Variants in KLHL32 observed in about 807,000 individuals in gnomAD.
The protein encoded by KLHL32 is kelch-like protein 32.
A neutral mutation model predicts 64.8 loss-of-function variants in KLHL32; 35 were observed. The observed-to-expected ratio is 0.54, with a 90% confidence interval of 0.41 to 0.72. KLHL32 has a LOEUF of 0.72. Ranked by LOEUF, KLHL32 falls within the 30% of genes least tolerant of loss-of-function variation. The probability of loss-of-function intolerance (pLI) is 0.00; values close to 1 mark genes in which losing one functional copy is unlikely to be tolerated. For missense variants in KLHL32, 589 were observed against 768.5 expected (o/e 0.77, Z 2.76); for synonymous variants, 259 against 281.0 (o/e 0.92, Z 0.78).
At chr6:97,031,455 C>T (rs571865398) in intron 3 of KLHL32, among the ~76,000 whole-genome samples, 6 of 151,962 alleles carry the variant, frequency 3.9e-5, no homozygotes, top group African/African-American at 1.2e-4. Context: ...CCTGCCTCAC[C>T]GTCTTGAGTA....
chr6:97,095,104 T>A (rs955937682), intron 6 of KLHL32, among the ~76,000 whole-genome samples: 1 of 152,216 alleles, frequency 6.6e-6, no homozygotes, highest in African/African-American at 2.4e-5. Flanking sequence ...AAATTGACTA[T>A]AAGTCAGCCA....
chr6:97,092,259 G>A (rs9384836), intron 6 of KLHL32, among the ~76,000 whole-genome samples: 59,158 of 151,960 alleles, frequency 0.39, 11,852 homozygotes, highest in East Asian at 0.45. Flanking sequence ...AAAGTGCTGG[G>A]ATTACAGGCG....
chr6:97,088,915 G>A (rs1206422601), intron 6 of KLHL32, among the ~76,000 whole-genome samples: 1 of 152,006 alleles, frequency 6.6e-6, no homozygotes, highest in African/African-American at 2.4e-5. Flanking sequence ...CTGCCTTTAG[G>A]TTCTCTTTCA....
intron 6 of KLHL32, among the ~76,000 whole-genome samples, chr6:97,092,507 G>A (rs1209291): frequency 4.6e-5 from 7 of 152,048 alleles, no homozygotes; most frequent in African/African-American, 1.7e-4. Flanking sequence ...TTCTACAAAT[G>A]TGATGAGGGT....
chr6:97,138,511 C>CA (rs1800309707), intron 10 of KLHL32, among the ~76,000 whole-genome samples: 1 of 152,030 alleles, frequency 6.6e-6, no homozygotes, highest in African/African-American at 2.4e-5. Flanking sequence ...GCCTAGGTGA[C>CA]AGAGCAAGAC....
chr6:96,964,571 T>C (rs1774238470), intron 1 of KLHL32, among the ~76,000 whole-genome samples: 1 of 152,142 alleles, frequency 6.6e-6, no homozygotes, highest in Non-Finnish European at 1.5e-5. Context: ...GAGAATGGCG[T>C]GAACCCGGGA....
At chr6:97,137,522 G>A (rs1348854307) in intron 10 of KLHL32, among the ~76,000 whole-genome samples, 4 of 151,936 alleles carry the variant, frequency 2.6e-5, no homozygotes, top group Admixed American at 6.6e-5. Flanking sequence ...AAAATAATGC[G>A]TTGTTGAAGT....
chr6:97,025,047 A>G, intron 3 of KLHL32: 1 of 985,174 alleles, frequency 1.0e-6, no homozygotes, highest in Non-Finnish European at 1.2e-6. Flanking sequence ...TTAAAGGATA[A>G]TAAAGCTGAT....
chr6:96,927,647 C>G (rs1260849815), intron 1 of KLHL32, among the ~76,000 whole-genome samples: 1 of 152,166 alleles, frequency 6.6e-6, no homozygotes, highest in Non-Finnish European at 1.5e-5. Flanking sequence ...AAGATTTGAA[C>G]AGCGACTTCT....
At chr6:97,065,742 T>C (rs931207937) in intron 5 of KLHL32, among the ~76,000 whole-genome samples, 30 of 152,348 alleles carry the variant, frequency 2.0e-4, no homozygotes, top group Non-Finnish European at 2.2e-4. Context: ...TAAATCACTT[T>C]CTGTAATTTT....
intron 3 of KLHL32, chr6:97,010,302 C>G (rs1340322941): frequency 1.3e-5 from 2 of 151,500 alleles, no homozygotes; most frequent in African/African-American, 4.8e-5. Context: ...GTGCTTGGCT[C>G]TGGTAGGGCT....
intron 5 of KLHL32, among the ~76,000 whole-genome samples, chr6:97,067,606 T>C (rs1790005030): frequency 6.6e-6 from 1 of 152,148 alleles, no homozygotes; most frequent in Non-Finnish European, 1.5e-5. Context: ...GGCCTATCCA[T>C]GCTGAGTGTT....
intron 1 of KLHL32, among the ~76,000 whole-genome samples, chr6:96,961,002 A>C (rs1773820806): frequency 6.6e-6 from 1 of 152,236 alleles, no homozygotes; most frequent in South Asian, 2.1e-4. Context: ...ATTGTAAGTC[A>C]GTTGTCTCCT....
intron 10 of KLHL32, among the ~76,000 whole-genome samples, chr6:97,137,263 AC>A (rs1353477339): frequency 1.3e-4 from 20 of 152,208 alleles, no homozygotes; most frequent in African/African-American, 4.6e-4. Context: ...GTCTTGCCTT[AC>A]CTAGTCAAAA....
chr6:96,928,587 C>A (rs370156624), intron 1 of KLHL32, among the ~76,000 whole-genome samples: 17 of 152,268 alleles, frequency 1.1e-4, no homozygotes, highest in East Asian at 5.8e-4. Flanking sequence ...GTATTATATT[C>A]TCTATACAGA....
chr6:97,106,700 C>T (rs556069003), intron 6 of KLHL32, among the ~76,000 whole-genome samples: 3 of 151,222 alleles, frequency 2.0e-5, no homozygotes, highest in South Asian at 2.1e-4. Context: ...GCTGAGATTG[C>T]GCCACTGCAC....
intron 3 of KLHL32, among the ~76,000 whole-genome samples, chr6:96,988,875 G>A (rs1432391221): frequency 6.6e-6 from 1 of 151,856 alleles, no homozygotes; most frequent in Non-Finnish European, 1.5e-5. Flanking sequence ...AACACCGCAT[G>A]TTCTCACTCA....
intron 6 of KLHL32, among the ~76,000 whole-genome samples, chr6:97,085,666 A>G (rs1258885689): frequency 1.3e-5 from 2 of 152,202 alleles, no homozygotes; most frequent in African/African-American, 2.4e-5. Flanking sequence ...ACAAAATATG[A>G]CAAAAAAATG....
intron 1 of KLHL32, among the ~76,000 whole-genome samples, chr6:96,964,581 A>T (rs533689682): frequency 2.0e-5 from 3 of 152,202 alleles, no homozygotes; most frequent in African/African-American, 7.2e-5. Flanking sequence ...TGAACCCGGG[A>T]GGCGGAGCTT....
Sources: gnomAD v4.1 joint callset for allele counts (sites outside exome capture counted in the v4.1 genomes callset) on GRCh38, gnomAD v4.1.1 for gene constraint, MANE v1.5 for transcripts, NCBI Gene and HGNC (gene_info 2026-07-23, HGNC 2026-07-21) for gene names.